The following WWC1 variants were observed in gnomAD, a reference collection of about 807,000 sequenced individuals.
WWC1 encodes the protein WW and C2 domain containing 1.
In WWC1, 55 loss-of-function variants were observed where a neutral mutation model predicts 138.4. That is an observed-to-expected ratio of 0.40 (90% CI 0.32 to 0.50). WWC1 has a LOEUF of 0.50. WWC1 is among the 20% of genes least tolerant of loss of function. WWC1 has a pLI of 0.72. For missense variants in WWC1, 1,226 were observed against 1,420.4 expected, an observed-to-expected ratio of 0.86 and a Z score of 2.20; for synonymous variants, 524 against 564.9, an observed-to-expected ratio of 0.93 and a Z score of 1.03.
chr5:168,365,739 G>A (rs1317714677), intron 1 of WWC1, among the ~76,000 whole-genome samples: 1 of 152,206 alleles, frequency 6.6e-6, no homozygotes, highest in Non-Finnish European at 1.5e-5. Context: ...TCTCCACAGC[G>A]ACACATCTGG....
Position 168,406,289 on chromosome 5 carries a change from A to G in WWC1, c.682A>G (p.Ile228Val), listed in dbSNP as rs1255526670. ...AGAAACAAAAGCCATCAAAAAGGCT[A>G]TTACCTGTGGGGAAAAGGAAAAGCA... is the stretch of plus-strand genomic sequence containing the variant. ...LRETKAIKKA[I>V]TCGEKEKQDL... Residue 228 changes from isoleucine to valine, a missense_variant, in exon 6 of 23, where the codon ATT becomes GTT. By Grantham distance (29) the Ile-to-Val change is conservative. Around this residue, in one of 3 missense-constraint regions of WWC1, gnomAD observed 1,016 missense variants for 1,153.9 expected, o/e 0.88. Coordinates refer to ENST00000265293, the MANE Select transcript of WWC1 (RefSeq NM_015238.3). 2 of 1,614,104 alleles carry G rather than the reference A, an allele frequency of 1.2e-6. No individual in the cohort carries two copies. Among genetic ancestry groups the G allele is most frequent in the South Asian group, 1.1e-5 (1 of 91,080 alleles).
intron 1 of WWC1, among the ~76,000 whole-genome samples, chr5:168,310,356 A>T (rs1329144534): frequency 6.6e-6 from 1 of 151,382 alleles, no homozygotes; most frequent in Admixed American, 6.6e-5. Flanking sequence ...TTTCTCTCTG[A>T]ATATATTATA....
intron 17 of WWC1, among the ~76,000 whole-genome samples, chr5:168,449,031 CA>C (rs1161197471): frequency 1.3e-5 from 2 of 152,138 alleles, no homozygotes; most frequent in East Asian, 1.9e-4. Context: ...AGCATATGTA[CA>C]TTTTTTTATT....
intron 2 of WWC1, among the ~76,000 whole-genome samples, chr5:168,376,631 C>T (rs1777191594): frequency 6.6e-6 from 1 of 151,868 alleles, no homozygotes; most frequent in Admixed American, 6.6e-5. Flanking sequence ...TTCTGTAAAC[C>T]AATAATGTTC....
At chr5:168,355,513 A>C (rs1429155875) in intron 1 of WWC1, among the ~76,000 whole-genome samples, 9 of 151,732 alleles carry the variant, frequency 5.9e-5, no homozygotes, top group Admixed American at 3.3e-4. Flanking sequence ...AAAAAAAAAA[A>C]AAAAAACAGC....
chr5:168,366,803 T>A, intron 1 of WWC1, among the ~76,000 whole-genome samples: 1 of 18,110 alleles, frequency 5.5e-5, no homozygotes, highest in Non-Finnish European at 9.9e-5. Context: ...TTTGAAACAC[T>A]TTTTTTTTTT....
At chr5:168,399,401 C>T (rs1779145283) in intron 4 of WWC1, 87 bp from the exon 5 acceptor site, 1 of 1,432,224 alleles carries the variant, frequency 7.0e-7, no homozygotes, top group Non-Finnish European at 9.7e-7. Flanking sequence ...CAGTGGGAGG[C>T]TCTGGGTTCC....
In WWC1 at chr5:168,455,518, C is replaced by A; in HGVS notation, c.2821C>A (p.Arg941=). 1 of 1,612,264 alleles carries A rather than the reference C, an allele frequency of 6.2e-7. No homozygotes were observed. Among genetic ancestry groups the A allele is most frequent in the East Asian group, 2.2e-5 (1 of 44,774 alleles). The change falls in exon 19 of 23, where the codon CGG becomes AGG. Residue 941 remains arginine (R), a splice_region_variant and synonymous_variant. Transcript: ENST00000265293. Reference sequence around the variant, plus strand: ...AGGACCCCAGAGCCAGTACGTGTGCCGGGTAAGTGAGCGTGCGGCCCTCTT... The same window carrying A: ...AGGACCCCAGAGCCAGTACGTGTGCAGGGTAAGTGAGCGTGCGGCCCTCTT... The part of the protein sequence containing the change: ...SPGPQSQYVC[R]LNRSDSDSST...
chr5:168,405,387 A>G (rs115775190), intron 5 of WWC1, among the ~76,000 whole-genome samples: 386 of 152,314 alleles, frequency 2.5e-3, no homozygotes, highest in African/African-American at 9.1e-3. Context: ...TAAATATCAT[A>G]CAATGCACAG....
At chr5:168,370,794 G>A (rs1776692266) in intron 1 of WWC1, among the ~76,000 whole-genome samples, 1 of 152,262 alleles carries the variant, frequency 6.6e-6, no homozygotes, top group African/African-American at 2.4e-5. Flanking sequence ...GGGACATAGA[G>A]AGCGGTTATT....
At chr5:168,404,099 G>A (rs896800365) in intron 5 of WWC1, among the ~76,000 whole-genome samples, 10 of 152,152 alleles carry the variant, frequency 6.6e-5, no homozygotes, top group African/African-American at 2.2e-4. Context: ...GGCTGTTGGA[G>A]GCCTGGCAGA....
rs1198059644 is a variant in WWC1 at position 168,431,287 on chromosome 5, G to A, written c.2123G>A (p.Ser708Asn). 1.9e-6 allele frequency: 3 copies of A among 1,613,850 alleles called. No homozygotes were observed. Among genetic ancestry groups the A allele is most frequent in the African/African-American group, 2.7e-5 (2 of 74,900 alleles). Residue 708 changes from serine to asparagine, a missense_variant, in exon 15 of 23, where the codon AGC becomes AAC. By Grantham distance (46) the Ser-to-Asn change is conservative. Coordinates refer to ENST00000265293, the MANE Select transcript of WWC1 (RefSeq NM_015238.3). ...IRVAVLPCSE[S>N]TTCLFRTRPL... ...GTGGCTGTCCTTCCTTGCTCTGAAA[G>A]CACAACCTGCCTGTTCCGGACCCGG...
At chr5:168,393,936 G>GA (rs199633992) in intron 3 of WWC1, among the ~76,000 whole-genome samples, 2,296 of 152,256 alleles carry the variant, frequency 0.015, 34 homozygotes, top group Non-Finnish European at 0.025. Context: ...AACTCAAGGG[G>GA]AAAAAAAGTG....
intron 17 of WWC1, among the ~76,000 whole-genome samples, chr5:168,453,312 A>C (rs1204388820): frequency 6.6e-6 from 1 of 152,254 alleles, no homozygotes; most frequent in African/African-American, 2.4e-5. Flanking sequence ...GAGAAGTCAG[A>C]GACAAAACAG....
intron 2 of WWC1, among the ~76,000 whole-genome samples, chr5:168,376,030 G>A (rs1777138210): frequency 6.6e-6 from 1 of 151,714 alleles, no homozygotes; most frequent in Admixed American, 6.6e-5. Context: ...GATATCTAAG[G>A]GATGCTATAT....
chr5:168,467,801 C>G (rs764813584), intron 21 of WWC1, 39 bp from the exon 22 acceptor site: 1 of 1,613,336 alleles, frequency 6.2e-7, no homozygotes. Context: ...TTTCTGGAGG[C>G]CCCCTCCACT....
At chr5:168,437,333 T>C (rs993235252) in intron 15 of WWC1, among the ~76,000 whole-genome samples, 1 of 152,232 alleles carries the variant, frequency 6.6e-6, no homozygotes, top group African/African-American at 2.4e-5. Flanking sequence ...GATTCTAGGG[T>C]ACATGTTATC....
chr5:168,449,083 C>T (rs1207386152), intron 17 of WWC1, among the ~76,000 whole-genome samples: 3 of 152,182 alleles, frequency 2.0e-5, no homozygotes, highest in Non-Finnish European at 4.4e-5. Flanking sequence ...TGTAAATTGG[C>T]TGCTCTCCTT....
chr5:168,383,174 C>G (rs2152817234), intron 2 of WWC1, among the ~76,000 whole-genome samples: 1 of 143,102 alleles, frequency 7.0e-6, no homozygotes, highest in East Asian at 2.1e-4. Context: ...AAGACTCCAT[C>G]TCAAAAACAA....
Sources: gnomAD v4.1 joint callset for allele counts (sites outside exome capture counted in the v4.1 genomes callset) on GRCh38, gnomAD v4.1.1 for gene constraint, gnomAD v4.1.1 regional missense constraint, MANE v1.5 for transcripts, NCBI Gene and HGNC (gene_info 2026-07-23, HGNC 2026-07-21) for gene names.